Variants in PHLPP1 observed in about 807,000 individuals in gnomAD.
PHLPP1 encodes the protein PH domain and leucine rich repeat protein phosphatase 1.
Under a neutral mutation model 117.2 loss-of-function variants are expected in PHLPP1, and 42 were observed. The observed-to-expected ratio is 0.36, with a 90% CI of 0.28 to 0.46. PHLPP1 has a LOEUF of 0.46. Among genes scored for constraint, PHLPP1 ranks in the 20% least tolerant of loss-of-function variants. PHLPP1 has a pLI of 1.00. For synonymous variants in PHLPP1, 1,042 were observed against 970.7 expected (o/e 1.07, Z -1.37); for missense variants, 2,084 against 2,241.9 (o/e 0.93, Z 1.42).
At chr18:62,758,674 GA>G (rs1486635015) in intron 1 of PHLPP1, among the ~76,000 whole-genome samples, 1 of 152,114 alleles carries the variant, frequency 6.6e-6, no homozygotes, top group Non-Finnish European at 1.5e-5. Flanking sequence ...ATCCATTTCA[GA>G]AAAAATTTCA....
chr18:62,978,509 G>T lies in PHLPP1; in HGVS notation c.4232G>T (p.Cys1411Phe). The change falls in exon 17 of 17, where the codon TGC becomes TTC. Residue 1411 changes from cysteine (C) to phenylalanine (F), a missense_variant. By Grantham distance (205) the Cys-to-Phe change is radical. Transcript: ENST00000262719. This position sits in a 1 kb window ranked among gnomAD's most constrained non-coding sequence, Gnocchi z 7.0. Reference protein sequence around the residue: ...KLCTLAQSYGCHDSISAVVVQ... With the variant: ...KLCTLAQSYGFHDSISAVVVQ... ...TGTACCCTGGCCCAGAGCTACGGCT[G>T]CCACGACAGCATCAGCGCTGTGGTG... is the stretch of plus-strand genomic sequence containing the variant. The T allele has an allele frequency of 6.2e-7, 1 of 1,609,360 alleles. No homozygotes were observed. The highest frequency in any genetic ancestry group is 8.5e-7 in the Non-Finnish European group (1 of 1,177,840).
intron 1 of PHLPP1, among the ~76,000 whole-genome samples, chr18:62,739,303 A>C (rs8095915): frequency 0.19 from 28,231 of 152,142 alleles, 4,523 homozygotes; most frequent in African/African-American, 0.44. Flanking sequence ...AGGAGATACA[A>C]CTCTATGATT....
chr18:62,927,783 A>T (rs1909682086), intron 10 of PHLPP1, among the ~76,000 whole-genome samples: 1 of 152,166 alleles, frequency 6.6e-6, no homozygotes, highest in African/African-American at 2.4e-5. Flanking sequence ...AAGACAAAAA[A>T]AAAATTGACA....
At chr18:62,813,769 C>G (rs1001945322) in intron 1 of PHLPP1, among the ~76,000 whole-genome samples, 2 of 152,178 alleles carry the variant, frequency 1.3e-5, no homozygotes, top group African/African-American at 2.4e-5. Context: ...GGCACATGCT[C>G]AGGTTTGAAG....
intron 2 of PHLPP1, among the ~76,000 whole-genome samples, chr18:62,831,163 A>G (rs999060218): frequency 3.3e-5 from 5 of 152,098 alleles, no homozygotes; most frequent in African/African-American, 1.2e-4. Flanking sequence ...GAAATGTTAC[A>G]TTATTTTCTT....
At chr18:62,788,836 G>C (rs890508671) in intron 1 of PHLPP1, among the ~76,000 whole-genome samples, 1 of 151,896 alleles carries the variant, frequency 6.6e-6, no homozygotes, top group Admixed American at 6.6e-5. Flanking sequence ...TTATATCTTA[G>C]GTTCTTTCAT....
At chr18:62,806,671 T>G (rs1324270672) in intron 1 of PHLPP1, among the ~76,000 whole-genome samples, 1 of 152,224 alleles carries the variant, frequency 6.6e-6, no homozygotes, top group Non-Finnish European at 1.5e-5. Flanking sequence ...GTAATTGGGC[T>G]ATCTAAATGT....
At chr18:62,767,484 C>T (rs112896120) in intron 1 of PHLPP1, among the ~76,000 whole-genome samples, 20 of 152,276 alleles carry the variant, frequency 1.3e-4, no homozygotes, top group Non-Finnish European at 2.1e-4. Flanking sequence ...TCCATTCTTC[C>T]GTACATGAAA....
chr18:62,977,004 A>G (rs1911207284), intron 16 of PHLPP1, among the ~76,000 whole-genome samples: 2 of 152,214 alleles, frequency 1.3e-5, no homozygotes, highest in Non-Finnish European at 2.9e-5. Flanking sequence ...TGGTTTTGAT[A>G]GAGAGAAATC....
Position 62,852,543 on chromosome 18 carries a change from C to T in PHLPP1, c.1900-7892C>T, listed in dbSNP as rs570531480. Reference sequence around the variant, plus strand: ...TATTTTTAGTAGAGACGGGGTTTCACTGTGTTAGCCAGGATGGTCTCGATC... The same window carrying T: ...TATTTTTAGTAGAGACGGGGTTTCATTGTGTTAGCCAGGATGGTCTCGATC... On this transcript the variant is annotated intron_variant, in intron 3 of 16. Coordinates refer to ENST00000262719, the MANE Select transcript of PHLPP1 (RefSeq NM_194449.4). Among the ~76,000 whole-genome samples, 3 of 152,172 alleles carry T rather than the reference C, an allele frequency of 2.0e-5. No homozygotes were observed. In the East Asian group the frequency reaches 5.8e-4, roughly 29 times the overall value.
At chr18:62,925,478 A>G (rs1336665464) in intron 10 of PHLPP1, among the ~76,000 whole-genome samples, 1 of 150,346 alleles carries the variant, frequency 6.7e-6, no homozygotes, top group Non-Finnish European at 1.5e-5. Flanking sequence ...AAATATTCCC[A>G]GAGTATTAGT....
At chr18:62,722,291 C>T (rs988853170) in intron 1 of PHLPP1, among the ~76,000 whole-genome samples, 1 of 152,146 alleles carries the variant, frequency 6.6e-6, no homozygotes, top group Non-Finnish European at 1.5e-5. Context: ...TCAAATGAGG[C>T]ATCTTAGATT....
At chr18:62,831,923 A>G (rs1051113038) in intron 2 of PHLPP1, among the ~76,000 whole-genome samples, 1 of 152,228 alleles carries the variant, frequency 6.6e-6, no homozygotes, top group South Asian at 2.1e-4. Flanking sequence ...TTTGAAACCA[A>G]TGCTGCTTAA....
intron 1 of PHLPP1, among the ~76,000 whole-genome samples, chr18:62,745,756 T>C (rs756771116): frequency 1.3e-5 from 2 of 152,268 alleles, no homozygotes; most frequent in African/African-American, 2.4e-5. Context: ...AAATTCTTAA[T>C]GTTACTCTTG....
intron 1 of PHLPP1, among the ~76,000 whole-genome samples, chr18:62,718,498 C>A (rs1340959215): frequency 6.6e-6 from 1 of 152,318 alleles, no homozygotes; most frequent in Middle Eastern, 3.4e-3. Context: ...GAGAGATGCC[C>A]TTTAAATTTC....
chr18:62,725,523 G>T (rs944678178), intron 1 of PHLPP1, among the ~76,000 whole-genome samples: 1 of 151,972 alleles, frequency 6.6e-6, no homozygotes, highest in Non-Finnish European at 1.5e-5. Context: ...TGACATAATT[G>T]AAACAACTTG....
intron 1 of PHLPP1, among the ~76,000 whole-genome samples, chr18:62,749,932 CT>C (rs1433246126): frequency 6.6e-6 from 1 of 152,212 alleles, no homozygotes; most frequent in Non-Finnish European, 1.5e-5. Flanking sequence ...GGGAGAATCT[CT>C]TAAACCCCGG....
At chr18:62,738,161 A>G (rs1911422518) in intron 1 of PHLPP1, among the ~76,000 whole-genome samples, 1 of 151,906 alleles carries the variant, frequency 6.6e-6, no homozygotes, top group African/African-American at 2.4e-5. Context: ...ATAATAGCCT[A>G]GGTAACATAG....
At chr18:62,797,887 A>G (rs575106741) in intron 1 of PHLPP1, among the ~76,000 whole-genome samples, 1 of 152,264 alleles carries the variant, frequency 6.6e-6, no homozygotes, top group South Asian at 2.1e-4. Context: ...CCATGATTTA[A>G]TGTTCTGTTT....
Sources: allele counts gnomAD v4.1 joint callset (sites outside exome capture counted in the v4.1 genomes callset), GRCh38; gene constraint gnomAD v4.1.1; non-coding constraint Gnocchi (gnomAD v3.1); transcripts MANE v1.5; gene names NCBI Gene and HGNC (gene_info 2026-07-23, HGNC 2026-07-21).